Variants in FAM178B observed in about 807,000 individuals in gnomAD.
FAM178B encodes family with sequence similarity 178 member B, also known as protein FAM178B.
FAM178B carries 82 observed loss-of-function variants against 91.7 expected under a neutral mutation model. That is an observed-to-expected ratio of 0.89 (90% CI 0.75 to 1.07). The LOEUF (loss-of-function observed/expected upper bound fraction) is 1.07. Among genes scored for constraint, FAM178B ranks in the 50% least tolerant of loss-of-function variants. The pLI, the probability that FAM178B is intolerant of heterozygous loss-of-function variation, is 0.00. For synonymous variants in FAM178B, 368 were observed against 359.4 expected (o/e 1.02, Z -0.27); for missense variants, 769 against 846.7 (o/e 0.91, Z 1.14).
chr2:96,981,450 A>G (rs2082359695), intron 1 of FAM178B, among the ~76,000 whole-genome samples: 3 of 152,300 alleles, frequency 2.0e-5, no homozygotes, highest in African/African-American at 7.2e-5. Flanking sequence ...AGCCCAATTT[A>G]TCAACATTTT....
chr2:96,881,004 C>T (rs1289018200), intron 14 of FAM178B, among the ~76,000 whole-genome samples: 3 of 151,922 alleles, frequency 2.0e-5, no homozygotes, highest in Non-Finnish European at 2.9e-5. Flanking sequence ...CAGCCGAGAC[C>T]CAGGCTGGGC....
chr2:96,888,890 C>G (rs368979553), intron 14 of FAM178B, among the ~76,000 whole-genome samples: 8 of 152,218 alleles, frequency 5.3e-5, no homozygotes, highest in African/African-American at 1.4e-4. Flanking sequence ...GCACACCCCC[C>G]CTCCCCGCCA....
At chr2:96,924,712 C>T (rs1361853583) in intron 9 of FAM178B, among the ~76,000 whole-genome samples, 1 of 152,168 alleles carries the variant, frequency 6.6e-6, no homozygotes, top group African/African-American at 2.4e-5. Flanking sequence ...TGATGAGGGT[C>T]CCCTCTGCTG....
intron 6 of FAM178B, 132 bp downstream of exon 6, chr2:96,960,156 A>T: frequency 1.1e-6 from 1 of 917,540 alleles, no homozygotes; most frequent in Non-Finnish European, 1.6e-6. Flanking sequence ...ATCTCTAAAA[A>T]CTGACACATT....
Position 96,905,848 on chromosome 2 carries a change from A to ATG in FAM178B, c.1563-3142_1563-3141insCA, listed in dbSNP as rs1559064276. On this transcript the variant is annotated intron_variant, in intron 12 of 16. Transcript: ENST00000490605. ...TATATATATATATATATATATATAT[A>ATG]TATATATATATATTTTTTTTTTTTT... 6.7e-3 allele frequency among the ~76,000 whole-genome samples: 177 copies of ATG among 26,486 alleles called. 5 individuals carry two copies. The highest frequency in any genetic ancestry group is 7.8e-3 in the Non-Finnish European group (107 of 13,654). 17.4% of individuals were successfully genotyped at this position (26,486 alleles called of 152,430 possible). A position where few individuals can be genotyped will look rare whatever the true frequency, so the allele number is the denominator to read the frequency against.
At chr2:96,881,977 G>C (rs1365332372) in intron 14 of FAM178B, among the ~76,000 whole-genome samples, 1 of 152,166 alleles carries the variant, frequency 6.6e-6, no homozygotes, top group Non-Finnish European at 1.5e-5. Context: ...GAGATTGGTG[G>C]CTGTGCAGAT....
chr2:96,946,991 T>A (rs561365871), intron 8 of FAM178B, among the ~76,000 whole-genome samples: 1 of 152,326 alleles, frequency 6.6e-6, no homozygotes, highest in African/African-American at 2.4e-5. Context: ...GGGCTCATGG[T>A]ACATCCTTGG....
chr2:96,918,366 C>T (rs916413302), intron 12 of FAM178B, among the ~76,000 whole-genome samples: 2 of 151,962 alleles, frequency 1.3e-5, no homozygotes, highest in African/African-American at 4.8e-5. Context: ...AGGTAATTTA[C>T]AGTAAGAGAA....
At chr2:96,882,018 G>A (rs1164599183) in intron 14 of FAM178B, among the ~76,000 whole-genome samples, 2 of 152,158 alleles carry the variant, frequency 1.3e-5, no homozygotes, top group African/African-American at 4.8e-5. Context: ...TGGGAGCTTG[G>A]CTGAAGCTGG....
chr2:96,965,062 C>T (rs1197129690), intron 5 of FAM178B, among the ~76,000 whole-genome samples: 4 of 152,080 alleles, frequency 2.6e-5, no homozygotes, highest in East Asian at 1.9e-4. Flanking sequence ...TGAGGTGGTA[C>T]GATCTCAGCT....
At chr2:96,981,546 T>C (rs2082360723) in intron 1 of FAM178B, among the ~76,000 whole-genome samples, 1 of 151,606 alleles carries the variant, frequency 6.6e-6, no homozygotes, top group East Asian at 1.9e-4. Context: ...GGTGAGGAGA[T>C]CGAGGTCACC....
chr2:96,910,338 C>T (rs982548683), intron 12 of FAM178B, among the ~76,000 whole-genome samples: 5 of 152,136 alleles, frequency 3.3e-5, no homozygotes, highest in South Asian at 2.1e-4. Context: ...ACCGGGGAGA[C>T]GGCCTCCTCT....
At chr2:96,967,399 G>C in intron 5 of FAM178B, 121 bp downstream of exon 5, 1 of 616,490 alleles carries the variant, frequency 1.6e-6, no homozygotes, top group South Asian at 1.9e-5. Context: ...GGTAGCTTTA[G>C]AATTCACAAA....
At chr2:96,886,669 G>A (rs2080529034) in intron 14 of FAM178B, among the ~76,000 whole-genome samples, 2 of 152,346 alleles carry the variant, frequency 1.3e-5, no homozygotes, top group African/African-American at 4.8e-5. Flanking sequence ...CAAAGACAGG[G>A]AAGAAGGGAC....
chr2:96,914,647 G>A (rs2081212388), intron 12 of FAM178B, among the ~76,000 whole-genome samples: 1 of 152,204 alleles, frequency 6.6e-6, no homozygotes, highest in Non-Finnish European at 1.5e-5. Flanking sequence ...TCAGCACTTT[G>A]GGAAGCCAAG....
chr2:96,919,130 C>T (rs545450172), intron 12 of FAM178B, among the ~76,000 whole-genome samples: 7 of 152,268 alleles, frequency 4.6e-5, no homozygotes, highest in South Asian at 2.1e-4. Context: ...GGACTGTGGT[C>T]GCCCTGCTAC....
At chr2:96,917,887 G>A (rs2081268130) in intron 12 of FAM178B, among the ~76,000 whole-genome samples, 1 of 152,108 alleles carries the variant, frequency 6.6e-6, no homozygotes, top group Non-Finnish European at 1.5e-5. Flanking sequence ...AAAAATTGAC[G>A]TTGGGTCCCC....
chr2:96,951,641 A>T, intron 6 of FAM178B, 157 bp from the exon 7 acceptor site: 2 of 621,546 alleles, frequency 3.2e-6, no homozygotes, highest in Non-Finnish European at 2.9e-6. Flanking sequence ...TCAGTGCATG[A>T]TCTGTCAGAA....
chr2:96,926,164 A>G (rs1285221249), intron 9 of FAM178B, among the ~76,000 whole-genome samples: 3 of 152,142 alleles, frequency 2.0e-5, no homozygotes, highest in Admixed American at 6.6e-5. Context: ...ATTAGCAAGC[A>G]TTGTAGTACG....
Sources: gnomAD v4.1 joint callset for allele counts (sites outside exome capture counted in the v4.1 genomes callset) on GRCh38, gnomAD v4.1.1 for gene constraint, MANE v1.5 for transcripts, NCBI Gene and HGNC (gene_info 2026-07-23, HGNC 2026-07-21) for gene names.